Variants in RBBP5 observed in about 807,000 individuals in gnomAD.
The protein encoded by RBBP5 is RB binding protein 5, histone lysine methyltransferase complex subunit, also known as retinoblastoma-binding protein 5.
In RBBP5, 5 loss-of-function variants were observed where a neutral mutation model predicts 72.2. The observed-to-expected ratio is 0.07, with a 90% CI of 0.04 to 0.15. The LOEUF (loss-of-function observed/expected upper bound fraction) is 0.15, where lower values mean the gene tolerates loss of function less well. Ranked by LOEUF, RBBP5 falls within the 10% of genes least tolerant of loss-of-function variation. The pLI is 1.00. For missense variants in RBBP5, 322 were observed against 652.2 expected (o/e 0.49, Z 5.51); for synonymous variants, 209 against 237.2 (o/e 0.88, Z 1.09).
intron 10 of RBBP5, among the ~76,000 whole-genome samples, chr1:205,098,738 G>A (rs531044204): frequency 1.3e-5 from 2 of 151,796 alleles, no homozygotes; most frequent in Admixed American, 6.6e-5. Flanking sequence ...CCAGCTACTC[G>A]GGAGGCTGAG....
chr1:205,105,193 A>G (rs1656005893), intron 3 of RBBP5, 25 bp from the exon 4 acceptor site: 1 of 1,600,812 alleles, frequency 6.2e-7, no homozygotes, highest in Non-Finnish European at 8.5e-7. Flanking sequence ...GGGGTAATTT[A>G]GCACATATTC....
At chr1:205,107,357 T>C (rs1256909302) in intron 3 of RBBP5, among the ~76,000 whole-genome samples, 1 of 150,754 alleles carries the variant, frequency 6.6e-6, no homozygotes, top group East Asian at 1.9e-4. Context: ...AATGAAAAAA[T>C]CTTGAAAGCT....
intron 2 of RBBP5, among the ~76,000 whole-genome samples, chr1:205,115,490 T>C (rs1656483790): frequency 6.6e-6 from 1 of 152,170 alleles, no homozygotes; most frequent in Non-Finnish European, 1.5e-5. Context: ...TAAAATAGTT[T>C]TACAATTAAA....
chr1:205,101,587 A>G lies in RBBP5; in HGVS notation c.632+13T>C. 3 of 1,583,700 alleles carry G rather than the reference A, an allele frequency of 1.9e-6. No individual in the cohort carries two copies. Among genetic ancestry groups the G allele is most frequent in the South Asian group, 1.1e-5 (1 of 88,636 alleles). On this transcript the variant is annotated intron_variant, in intron 6 of 13. Transcript: ENST00000264515. ...TCTTAAAACTGTCCCTTAAAAGGTAAGATCTCACTCACCTCCCCTTCCGGG... is the reference window on the plus strand; with the variant it reads ...TCTTAAAACTGTCCCTTAAAAGGTAGGATCTCACTCACCTCCCCTTCCGGG...
At chr1:205,118,502 A>T (rs1266638416) in intron 1 of RBBP5, among the ~76,000 whole-genome samples, 1 of 152,070 alleles carries the variant, frequency 6.6e-6, no homozygotes, top group African/African-American at 2.4e-5. Context: ...AATCCCAGCT[A>T]CTTGGGAGGC....
intron 1 of RBBP5, among the ~76,000 whole-genome samples, chr1:205,117,732 A>C (rs1656582210): frequency 6.6e-6 from 1 of 152,068 alleles, no homozygotes; most frequent in South Asian, 2.1e-4. Flanking sequence ...TGAGCAAGGA[A>C]AAAGGTATAA....
At chr1:205,116,109 G>T in intron 1 of RBBP5, 1 of 804,626 alleles carries the variant, frequency 1.2e-6, no homozygotes, top group Non-Finnish European at 1.9e-6. Flanking sequence ...TATATGACCT[G>T]GGATATTGAA....
At chr1:205,118,548 G>A (rs1264737140) in intron 1 of RBBP5, among the ~76,000 whole-genome samples, 1 of 152,118 alleles carries the variant, frequency 6.6e-6, no homozygotes, top group East Asian at 1.9e-4. Context: ...AGGAGGCGGA[G>A]GTTGCAATGA....
At chr1:205,109,843 G>C (rs1351525053) in intron 3 of RBBP5, among the ~76,000 whole-genome samples, 1 of 152,056 alleles carries the variant, frequency 6.6e-6, no homozygotes, top group African/African-American at 2.4e-5. Flanking sequence ...CCCCCATCCA[G>C]TGCTTGAATT....
At chr1:205,098,310 G>C (rs1194218053) in intron 10 of RBBP5, among the ~76,000 whole-genome samples, 2 of 152,150 alleles carry the variant, frequency 1.3e-5, no homozygotes, top group African/African-American at 4.8e-5. Context: ...ACTGACAAAG[G>C]AGTGACAGAA....
At chr1:205,107,873 G>C (rs1314460178) in intron 3 of RBBP5, among the ~76,000 whole-genome samples, 1 of 150,848 alleles carries the variant, frequency 6.6e-6, no homozygotes, top group Non-Finnish European at 1.5e-5. Flanking sequence ...TTGAAACCAG[G>C]AGGCAGAGGT....
At chr1:205,114,061 G>C (rs1308998931) in intron 3 of RBBP5, among the ~76,000 whole-genome samples, 1 of 152,230 alleles carries the variant, frequency 6.6e-6, no homozygotes, top group Non-Finnish European at 1.5e-5. Context: ...AGATCATCCA[G>C]GCCAGTGCTT....
Position 205,100,276 on chromosome 1 carries a change from G to C in RBBP5, c.633-5C>G, listed in dbSNP as rs11240356. Reference sequence around the variant, plus strand: ...GCCGTGTTAATTAAAAAGCAACTACGGGAAGGATAAAAATATCAACACCAG... The same window carrying C: ...GCCGTGTTAATTAAAAAGCAACTACCGGAAGGATAAAAATATCAACACCAG... On this transcript the variant is annotated splice_region_variant and splice_polypyrimidine_tract_variant and intron_variant, in intron 6 of 13. Coordinates refer to ENST00000264515, the MANE Select transcript of RBBP5 (RefSeq NM_005057.4). 1.4e-5 allele frequency: 22 copies of C among 1,612,746 alleles called. No individual in the cohort carries two copies. In the Admixed American group the frequency reaches 3.0e-4, roughly 22 times the overall value.
chr1:205,105,919 C>T (rs549988056), intron 3 of RBBP5, among the ~76,000 whole-genome samples: 16 of 152,206 alleles, frequency 1.1e-4, no homozygotes, highest in Non-Finnish European at 2.2e-4. Flanking sequence ...TGCAAATCCC[C>T]CTCTTAGCCA....
chr1:205,109,143 G>A (rs1381445451), intron 3 of RBBP5, among the ~76,000 whole-genome samples: 2 of 152,110 alleles, frequency 1.3e-5, no homozygotes, highest in Non-Finnish European at 2.9e-5. Flanking sequence ...CTGTAGTCAG[G>A]CAATCAGTGA....
chr1:205,104,995 C>T, intron 4 of RBBP5, 33 bp downstream of exon 4: 2 of 1,608,332 alleles, frequency 1.2e-6, no homozygotes, highest in Non-Finnish European at 1.7e-6. Flanking sequence ...TAGAATTAGA[C>T]CCCACCCCAG....
intron 4 of RBBP5, among the ~76,000 whole-genome samples, chr1:205,104,277 T>C (rs929811410): frequency 6.7e-6 from 1 of 149,550 alleles, no homozygotes; most frequent in African/African-American, 2.5e-5. Flanking sequence ...ATCCCAGCAC[T>C]TTGGGGAGGC....
chr1:205,112,765 G>A (rs916387224), intron 3 of RBBP5, among the ~76,000 whole-genome samples: 6 of 152,160 alleles, frequency 3.9e-5, no homozygotes, highest in African/African-American at 1.4e-4. Flanking sequence ...TGTCGAGACA[G>A]TATTAGGAGG....
chr1:205,094,266 T>C (rs1236135598), intron 13 of RBBP5, among the ~76,000 whole-genome samples: 1 of 152,150 alleles, frequency 6.6e-6, no homozygotes, highest in Admixed American at 6.6e-5. Context: ...TTTTCAGATA[T>C]TGGAAAAAAA....
Sources: allele counts gnomAD v4.1 joint callset (sites outside exome capture counted in the v4.1 genomes callset), GRCh38; gene constraint gnomAD v4.1.1; transcripts MANE v1.5; gene names NCBI Gene and HGNC (gene_info 2026-07-23, HGNC 2026-07-21).